The following FAM241B variants were observed in gnomAD, a reference collection of about 807,000 sequenced individuals.
FAM241B encodes protein FAM241B.
In FAM241B, 7 loss-of-function variants were observed where a neutral mutation model predicts 9.3. The ratio of observed to expected loss-of-function variants is 0.75; its 90% confidence interval spans 0.43 to 1.41. The LOEUF (loss-of-function observed/expected upper bound fraction) is 1.41, where lower values mean the gene tolerates loss of function less well. Among genes scored for constraint, FAM241B ranks in the 40% most tolerant of loss-of-function variants. FAM241B has a pLI of 0.01. For missense variants in FAM241B, 136 were observed against 159.6 expected (o/e 0.85, Z 0.80); for synonymous variants, 60 against 64.1 (o/e 0.94, Z 0.31).
chr10:69,630,509 A>G (rs1329030424), intron 1 of FAM241B, 196 bp downstream of exon 1: 1 of 606,516 alleles, frequency 1.6e-6, no homozygotes, highest in Non-Finnish European at 2.3e-6. Flanking sequence ...CAAAGCACAA[A>G]GGGACTGCGC....
chr10:69,632,987 C>T lies in FAM241B; in HGVS notation c.294C>T (p.Leu98=). ...CCTCCATCCTGCTCCTCTTCCTGCTCATGATGCTTGGTGTTCGTGGCCTCC... is the reference window on the plus strand; with the variant it reads ...CCTCCATCCTGCTCCTCTTCCTGCTTATGATGCTTGGTGTTCGTGGCCTCC... ...PVTSILLLFL[L]MMLGVRGLLL... The change falls in exon 4 of 4, where the codon CTC becomes CTT. Residue 98 remains leucine, a synonymous_variant. Coordinates refer to ENST00000373279, the MANE Select transcript of FAM241B (RefSeq NM_145306.3). The T allele has an allele frequency of 1.9e-6, 3 of 1,614,218 alleles. No individual in the cohort carries two copies. Among genetic ancestry groups the T allele is most frequent in the Non-Finnish European group, 2.5e-6 (3 of 1,180,040 alleles).
At chr10:69,631,946 GC>G in intron 3 of FAM241B, 107 bp downstream of exon 3, 6 of 971,230 alleles carry the variant, frequency 6.2e-6, no homozygotes, top group Non-Finnish European at 8.6e-6. Flanking sequence ...CTAGCCTGAA[GC>G]CCTCTTTGCA....
intron 3 of FAM241B, 116 bp downstream of exon 3, chr10:69,631,955 G>T (rs1275686622): frequency 1.5e-6 from 2 of 1,354,976 alleles, no homozygotes; most frequent in African/African-American, 3.0e-5. Flanking sequence ...AGCCCTCTTT[G>T]CAGAGAGCTG....
rs1169933416 is a variant in FAM241B, at chr10:69,630,614, G to A, written c.-104+301G>A. The A allele has an allele frequency of 4.6e-6, 6 of 1,295,574 alleles. No individual in the cohort carries two copies. In the East Asian group the frequency reaches 2.3e-4, roughly 50 times the overall value. 80.3% of individuals were successfully genotyped at this position (1,295,574 alleles called of 1,614,324 possible). ...TCCAGGCTACGGGCAAGACCACAGG[G>A]CTCCTGACCTTTTTCGGCATACATG... On this transcript the variant is annotated intron_variant, in intron 1 of 3. Coordinates refer to ENST00000373279, the MANE Select transcript of FAM241B (RefSeq NM_145306.3).
chr10:69,630,711 C>T, intron 1 of FAM241B: 1 of 1,272,340 alleles, frequency 7.9e-7, no homozygotes, highest in Non-Finnish European at 1.0e-6. Flanking sequence ...TTTACCCAGA[C>T]TCAAGGGGAG....
intron 1 of FAM241B, among the ~76,000 whole-genome samples, chr10:69,631,076 C>T (rs1199554739): frequency 2.0e-5 from 3 of 152,186 alleles, no homozygotes; most frequent in Admixed American, 6.5e-5. Context: ...GAATTGGAAC[C>T]CCACTGGGGA....
chr10:69,631,751 G>C lies in FAM241B; in HGVS notation c.8G>C (p.Arg3Pro). ...CCCACAGCGCCTGGGAGGATGGTGC[G>C]GATCTTGGCCAATGGGGAAATCGTG... MV[R>P]ILANGEIVQD... The change falls in exon 3 of 4, where the codon CGG becomes CCG. Residue 3 changes from arginine (R) to proline (P), a missense_variant. By Grantham distance (103) the Arg-to-Pro change is moderately radical. Coordinates refer to ENST00000373279, the MANE Select transcript of FAM241B (RefSeq NM_145306.3). The C allele has an allele frequency of 1.2e-6, 2 of 1,612,960 alleles. No individual in the cohort carries two copies. Among genetic ancestry groups the C allele is most frequent in the South Asian group, 1.1e-5 (1 of 90,454 alleles).
chr10:69,631,285 GC>G (rs1839814975), intron 1 of FAM241B, among the ~76,000 whole-genome samples, 194 bp from the exon 2 acceptor site: 1 of 152,246 alleles, frequency 6.6e-6, no homozygotes, highest in African/African-American at 2.4e-5. Flanking sequence ...GGTGAGCCTT[GC>G]AGGATGGGCC....
rs1359333765 is a variant in FAM241B at position 69,630,712 on chromosome 10, T to C, written c.-104+399T>C. Reference sequence around the variant, plus strand: ...GAGAATGAATGGCCTTTACCCAGACTCAAGGGGAGGCGTGGAGGGGCCCCG... The same window carrying C: ...GAGAATGAATGGCCTTTACCCAGACCCAAGGGGAGGCGTGGAGGGGCCCCG... On this transcript the variant is annotated intron_variant, in intron 1 of 3. Coordinates refer to ENST00000373279, the MANE Select transcript of FAM241B (RefSeq NM_145306.3). 9 of 1,270,088 alleles carry C rather than the reference T, an allele frequency of 7.1e-6. No homozygotes were observed. In the East Asian group the frequency reaches 5.0e-4, roughly 70 times the overall value. The allele number at this position is 1,270,088 out of a possible 1,614,324, so 78.7% of individuals were successfully genotyped here.
Position 69,630,291 on chromosome 10 carries a change from G to T in FAM241B, c.-126G>T, listed in dbSNP as rs1487084864. The T allele has an allele frequency of 6.6e-6, 1 of 152,640 alleles. No individual in the cohort carries two copies. The highest frequency in any genetic ancestry group is 1.5e-5 in the Non-Finnish European group (1 of 68,422). 9.5% of individuals were successfully genotyped at this position (152,640 alleles called of 1,614,324 possible). A position where few individuals can be genotyped will look rare whatever the true frequency, so the allele number is the denominator to read the frequency against. On this transcript the variant is annotated 5_prime_UTR_variant, in exon 1 of 4. Coordinates refer to ENST00000373279, the MANE Select transcript of FAM241B (RefSeq NM_145306.3). ...GGAGCCGCCGGGAGTGGACGCCGCC[G>T]AGGCCCGGAGTCGCGCCTGCAGGTG...
At position 69,632,802 on chromosome 10, in the gene FAM241B, AG is replaced by A. The variant is rs1237815945; in HGVS notation, c.113del (p.Gly38AlafsTer35). 1 of 1,612,958 alleles carries A rather than the reference AG, an allele frequency of 6.2e-7. No homozygotes were observed. The highest frequency in any genetic ancestry group is 8.5e-7 in the Non-Finnish European group (1 of 1,179,662). ...CTTCACATTCCAGAGCTTCTTCAAC[AG>A]GGGCCATGGTGCTCCCCCAGGGGGT... ...GSIPRQSFFN[R>X]GHGAPPGGPG... On this transcript the variant is annotated frameshift_variant, in exon 4 of 4. Transcript: ENST00000373279. LOFTEE classifies it high-confidence loss of function.
intron 1 of FAM241B, 44 bp from the exon 2 acceptor site, chr10:69,631,436 C>T (rs531735676): frequency 7.1e-7 from 1 of 1,410,038 alleles, no homozygotes; most frequent in Non-Finnish European, 9.5e-7. Context: ...ATCTTTTTGC[C>T]TGGCAAACAA....
Position 69,633,396 on chromosome 10 carries a change from G to C in FAM241B, c.*337G>C. On this transcript the variant is annotated 3_prime_UTR_variant, in exon 4 of 4. Coordinates refer to ENST00000373279, the MANE Select transcript of FAM241B (RefSeq NM_145306.3). ...TCTCAGCTGGATGCCAACATGTTCC[G>C]ATGCCTGTGGAAGACATGCCGACGT... 2 of 346,636 alleles carry C rather than the reference G, an allele frequency of 5.8e-6. No individual in the cohort carries two copies. Among genetic ancestry groups the C allele is most frequent in the Non-Finnish European group, 1.1e-5 (2 of 187,804 alleles). 21.5% of individuals were successfully genotyped at this position (346,636 alleles called of 1,614,324 possible). A position where few individuals can be genotyped will look rare whatever the true frequency, so the allele number is the denominator to read the frequency against.
At position 69,633,255 on chromosome 10, in the gene FAM241B, G is replaced by T. The variant is rs1839863041; in HGVS notation, c.*196G>T. 3 of 807,672 alleles carry T rather than the reference G, an allele frequency of 3.7e-6. No homozygotes were observed. Among genetic ancestry groups the T allele is most frequent in the Non-Finnish European group, 5.8e-6 (3 of 521,654 alleles). 50.0% of individuals were successfully genotyped at this position (807,672 alleles called of 1,614,324 possible). ...TCCAGCATTTCCAAAGTGTGGGTGG[G>T]TCCGTTGGTTCCCAAGATACTTTTA... On this transcript the variant is annotated 3_prime_UTR_variant, in exon 4 of 4. Transcript: ENST00000373279.
chr10:69,631,185 C>T (rs1056618848), intron 1 of FAM241B, among the ~76,000 whole-genome samples: 2 of 152,212 alleles, frequency 1.3e-5, no homozygotes, highest in Non-Finnish European at 2.9e-5. Flanking sequence ...GGTGTGATCC[C>T]GGGCAGGCCA....
Position 69,633,194 on chromosome 10 carries a change from C to T in FAM241B, c.*135C>T. 1.5e-6 allele frequency: 2 copies of T among 1,318,302 alleles called. No individual in the cohort carries two copies. Among genetic ancestry groups the T allele is most frequent in the Non-Finnish European group, 2.1e-6 (2 of 955,160 alleles). 81.7% of individuals were successfully genotyped at this position (1,318,302 alleles called of 1,614,324 possible). A position where few individuals can be genotyped will look rare whatever the true frequency, so the allele number is the denominator to read the frequency against. On this transcript the variant is annotated 3_prime_UTR_variant, in exon 4 of 4. Coordinates refer to ENST00000373279, the MANE Select transcript of FAM241B (RefSeq NM_145306.3). ...GAGGGGACCACAGGTGTGTGTTTCC[C>T]CTTTGTGTTAAGCGTGAGGCAGAGG...
intron 3 of FAM241B, among the ~76,000 whole-genome samples, chr10:69,632,322 G>A (rs1211434134): frequency 1.3e-5 from 2 of 152,072 alleles, no homozygotes; most frequent in African/African-American, 4.8e-5. Flanking sequence ...GCCAGGTGTG[G>A]TGGTGCATGC....
At chr10:69,632,769 C>G (rs923550346) in intron 3 of FAM241B, 21 bp from the exon 4 acceptor site, 1 of 1,608,474 alleles carries the variant, frequency 6.2e-7, no homozygotes. Flanking sequence ...TCATTCATCT[C>G]TCTCTGTCTT....
intron 3 of FAM241B, 133 bp downstream of exon 3, chr10:69,631,972 ATGCAGTGG>A: frequency 1.4e-5 from 17 of 1,249,510 alleles, no homozygotes; most frequent in Non-Finnish European, 1.8e-5. Flanking sequence ...GCTGGGGAAG[ATGCAGTGG>A]CTTATTGTCT....
Sources: allele counts gnomAD v4.1 joint callset (sites outside exome capture counted in the v4.1 genomes callset), GRCh38; gene constraint gnomAD v4.1.1; transcripts MANE v1.5; gene names NCBI Gene and HGNC (gene_info 2026-07-23, HGNC 2026-07-21).